Variants in VPS13A observed in about 807,000 individuals in gnomAD.
The protein encoded by VPS13A is intermembrane lipid transfer protein VPS13A.
VPS13A carries 264 observed loss-of-function variants against 390.9 expected under a neutral mutation model. That is an observed-to-expected ratio of 0.68 (90% CI 0.61 to 0.75). The LOEUF is 0.75. Ranked by LOEUF, VPS13A falls within the 30% of genes least tolerant of loss-of-function variation. VPS13A has a pLI of 0.00. For synonymous variants in VPS13A, 1,231 were observed against 1,227.1 expected (o/e 1.00, Z -0.07); for missense variants, 3,409 against 3,733.9 (o/e 0.91, Z 2.27).
intron 71 of VPS13A, among the ~76,000 whole-genome samples, chr9:77,413,557 G>T (rs1224218380): frequency 7.2e-5 from 11 of 152,164 alleles, no homozygotes; most frequent in South Asian, 2.1e-4. Context: ...GCTGAAACTG[G>T]ATCCCTTCCT....
In VPS13A at chr9:77,302,920, G is replaced by C; in HGVS notation, c.3818G>C (p.Arg1273Pro). The change falls in exon 34 of 72, where the codon CGA becomes CCA. Residue 1273 changes from arginine to proline, a missense_variant. Coordinates refer to ENST00000360280, the MANE Select transcript of VPS13A (RefSeq NM_033305.3). ...AATGTTATCTCTACTTATAGATCTCGATTTATTAATGATGCATACCAGGAA... is the reference window on the plus strand; with the variant it reads ...AATGTTATCTCTACTTATAGATCTCCATTTATTAATGATGCATACCAGGAA... ...KLSEMRLYRS[R>P]FINDAYQEVL... 2 of 1,612,972 alleles carry C rather than the reference G, an allele frequency of 1.2e-6. No homozygotes were observed. Among genetic ancestry groups the C allele is most frequent in the Admixed American group, 1.7e-5 (1 of 59,990 alleles).
intron 1 of VPS13A, among the ~76,000 whole-genome samples, chr9:77,187,498 G>A (rs1824408537): frequency 6.6e-6 from 1 of 151,804 alleles, no homozygotes; most frequent in Non-Finnish European, 1.5e-5. Flanking sequence ...CTTTTCATGG[G>A]CTTATTGACC....
chr9:77,414,784 A>G (rs1033284930), intron 71 of VPS13A, among the ~76,000 whole-genome samples: 51 of 145,850 alleles, frequency 3.5e-4, no homozygotes, highest in Admixed American at 7.8e-4. Context: ...TTAGAGTAAG[A>G]GGACATTTCT....
rs1198367966 is a variant in VPS13A, at chr9:77,357,856, T to C, written c.7953+18T>C. On this transcript the variant is annotated intron_variant, in intron 56 of 71. Transcript: ENST00000360280. ...GAATACAGGTAAGTCTTTCTGAAAA[T>C]ATAGGCAAAATTGTATTCTAAAGGA... 1 of 1,607,414 alleles carries C rather than the reference T, an allele frequency of 6.2e-7. No individual in the cohort carries two copies. The highest frequency in any genetic ancestry group is 1.3e-5 in the African/African-American group (1 of 74,232).
chr9:77,294,111 G>C (rs1048490156), intron 32 of VPS13A, among the ~76,000 whole-genome samples: 2 of 151,820 alleles, frequency 1.3e-5, no homozygotes, highest in African/African-American at 4.8e-5. Context: ...TATAGAGATG[G>C]GGTCTTACTC....
Position 77,177,830 on chromosome 9 carries a change from C to A in VPS13A, c.100+26C>A, listed in dbSNP as rs758530805. 3.8e-6 allele frequency: 6 copies of A among 1,591,712 alleles called. No homozygotes were observed. In the South Asian group the frequency reaches 6.7e-5, roughly 18 times the overall value. On this transcript the variant is annotated intron_variant, in intron 1 of 71. Coordinates refer to ENST00000360280, the MANE Select transcript of VPS13A (RefSeq NM_033305.3). The stretch of plus-strand genomic sequence containing the variant: ...GTAAGGAGGCCGCCGCCGCCGCTCC[C>A]CGGCCTCTCGTGCTTCCCGGCCGTC...
chr9:77,181,552 A>T (rs966025805), intron 1 of VPS13A, among the ~76,000 whole-genome samples: 1 of 150,934 alleles, frequency 6.6e-6, no homozygotes, highest in Non-Finnish European at 1.5e-5. Context: ...TGGATGCTGC[A>T]TAGGAAAATT....
rs776098236 is a variant in VPS13A at position 77,280,223 on chromosome 9, G to A, written c.2889G>A (p.Thr963=). 1.5e-5 allele frequency: 24 copies of A among 1,612,206 alleles called. No homozygotes were observed. Among genetic ancestry groups the A allele is most frequent in the Middle Eastern group, 1.7e-4 (1 of 5,988 alleles). Residue 963 remains threonine, a synonymous_variant, in exon 27 of 72, where the codon ACG becomes ACA. Coordinates refer to ENST00000360280, the MANE Select transcript of VPS13A (RefSeq NM_033305.3). ...TLDNTMEDLL[T]LEYVKAEKNV... ...ATAACACAATGGAAGACCTGTTAACGCTGGAATATGTAAAGGTAAGCAGTT... is the reference window on the plus strand; with the variant it reads ...ATAACACAATGGAAGACCTGTTAACACTGGAATATGTAAAGGTAAGCAGTT...
In VPS13A at chr9:77,306,414, TTGTGTGTG is replaced by T. The variant is rs60382346; in HGVS notation, c.3961-1503_3961-1496del. Among the ~76,000 whole-genome samples, 881 of 140,870 alleles carry T rather than the reference TTGTGTGTG, an allele frequency of 6.3e-3. 4 individuals are homozygous for T. Among genetic ancestry groups the T allele is most frequent in the African/African-American group, 0.021 (787 of 37,414 alleles). The allele number at this position is 140,870 out of a possible 152,430, so 92.4% of individuals were successfully genotyped here. A position where few individuals can be genotyped will look rare whatever the true frequency, so the allele number is the denominator to read the frequency against. On this transcript the variant is annotated intron_variant, in intron 34 of 71. Transcript: ENST00000360280. ...AGAGAGAGAGAGAGTGTGTGTGTGT[TTGTGTGTG>T]TGTGTGTGTGTGTGTGTGTGTGTGT...
At chr9:77,249,382 A>G (rs1825021639) in intron 20 of VPS13A, among the ~76,000 whole-genome samples, 1 of 152,220 alleles carries the variant, frequency 6.6e-6, no homozygotes, top group East Asian at 1.9e-4. Flanking sequence ...AGGAGTAAGG[A>G]TATCTAATTT....
chr9:77,355,998 G>C (rs1474327070), intron 54 of VPS13A, among the ~76,000 whole-genome samples: 2 of 152,128 alleles, frequency 1.3e-5, no homozygotes, highest in African/African-American at 4.8e-5. Flanking sequence ...CGAAATGTAA[G>C]TCAGATTATG....
At chr9:77,204,605 A>G (rs570964967) in intron 3 of VPS13A, among the ~76,000 whole-genome samples, 5 of 152,154 alleles carry the variant, frequency 3.3e-5, no homozygotes, top group Non-Finnish European at 7.3e-5. Flanking sequence ...ATACATACAC[A>G]CACTTATTTA....
intron 21 of VPS13A, 89 bp from the exon 22 acceptor site, chr9:77,252,146 A>G: frequency 9.4e-7 from 1 of 1,067,612 alleles, no homozygotes; most frequent in Admixed American, 1.7e-5. Flanking sequence ...TTCCTCATAT[A>G]ATGGAATGTG....
rs531184056 is a variant in VPS13A, at chr9:77,218,921, G to A, written c.755-1033G>A. 2.6e-5 allele frequency among the ~76,000 whole-genome samples: 4 copies of A among 152,182 alleles called. 1 individual carries two copies. The South Asian group carries it at 8.3e-4, about 32-fold the overall frequency. Reference sequence around the variant, plus strand: ...GACCCAGCAGTATGTTTTTACCCCCGGCCGTGTTCAGCTCCTTAGGGGCAC... The same window carrying A: ...GACCCAGCAGTATGTTTTTACCCCCAGCCGTGTTCAGCTCCTTAGGGGCAC... On this transcript the variant is annotated intron_variant, in intron 10 of 71. Coordinates refer to ENST00000360280, the MANE Select transcript of VPS13A (RefSeq NM_033305.3).
chr9:77,412,710 A>G (rs1180526614), intron 71 of VPS13A, among the ~76,000 whole-genome samples: 1 of 152,176 alleles, frequency 6.6e-6, no homozygotes, highest in African/African-American at 2.4e-5. Flanking sequence ...GCCCTCTCTC[A>G]CCACTCCTAT....
At chr9:77,324,958 G>A (rs886345582) in intron 45 of VPS13A, among the ~76,000 whole-genome samples, 17 of 152,120 alleles carry the variant, frequency 1.1e-4, no homozygotes, top group Middle Eastern at 3.4e-3. Context: ...CGGGTGGGGG[G>A]CTGGGGCATA....
chr9:77,343,168 G>A (rs1003185779), intron 50 of VPS13A, among the ~76,000 whole-genome samples: 9 of 152,174 alleles, frequency 5.9e-5, no homozygotes, highest in Admixed American at 3.9e-4. Context: ...AAGAGCTTCC[G>A]AATGAAGTGC....
chr9:77,375,752 A>G (rs896365585), intron 67 of VPS13A, among the ~76,000 whole-genome samples: 19 of 152,234 alleles, frequency 1.2e-4, no homozygotes, highest in African/African-American at 4.6e-4. Flanking sequence ...AATAGAGTTA[A>G]CAAGCTACCT....
chr9:77,270,660 C>A (rs1826297371), intron 23 of VPS13A, among the ~76,000 whole-genome samples: 1 of 152,084 alleles, frequency 6.6e-6, no homozygotes, highest in African/African-American at 2.4e-5. Flanking sequence ...CACTACACTC[C>A]AGCCTGGGTG....
Sources: gnomAD v4.1 joint callset for allele counts (sites outside exome capture counted in the v4.1 genomes callset) on GRCh38, gnomAD v4.1.1 for gene constraint, MANE v1.5 for transcripts, NCBI Gene and HGNC (gene_info 2026-07-23, HGNC 2026-07-21) for gene names.